The following NEDD9 variants were observed in gnomAD, a reference collection of about 807,000 sequenced individuals.
The protein encoded by NEDD9 is enhancer of filamentation 1.
NEDD9 carries 26 observed loss-of-function variants against 76.6 expected under a neutral mutation model. The ratio of observed to expected loss-of-function variants is 0.34; its 90% CI spans 0.25 to 0.47. The LOEUF is 0.47. NEDD9 is among the 20% of genes least tolerant of loss of function. The pLI, the probability that NEDD9 is intolerant of heterozygous loss-of-function variation, is 1.00. For missense variants in NEDD9, 937 were observed against 1,058.5 expected (o/e 0.89, Z 1.59); for synonymous variants, 392 against 414.2 (o/e 0.95, Z 0.65).
chr6:11,232,189 C>T (rs990973248), intron 1 of NEDD9, among the ~76,000 whole-genome samples: 1 of 152,154 alleles, frequency 6.6e-6, no homozygotes, highest in Non-Finnish European at 1.5e-5. Context: ...ATGCCTGCCG[C>T]GATTCAAGTC....
At chr6:11,212,500 A>G (rs1472938253) in intron 2 of NEDD9, among the ~76,000 whole-genome samples, 1 of 152,234 alleles carries the variant, frequency 6.6e-6, no homozygotes, top group African/African-American at 2.4e-5. Context: ...TCAAAAATAT[A>G]TTAGATGCTC....
chr6:11,315,369 A>G (rs1435517620), intron 2 of NEDD9, among the ~76,000 whole-genome samples: 1 of 152,244 alleles, frequency 6.6e-6, no homozygotes, highest in African/African-American at 2.4e-5. Context: ...CTTTGGCAGG[A>G]AAGACTGTGT....
intron 2 of NEDD9, among the ~76,000 whole-genome samples, chr6:11,321,270 G>A (rs1761794469): frequency 6.6e-6 from 1 of 152,112 alleles, no homozygotes; most frequent in South Asian, 2.1e-4. Flanking sequence ...TGAAGCTACA[G>A]CTTAACAAAT....
chr6:11,276,006 A>G (rs988180959), intron 3 of NEDD9, among the ~76,000 whole-genome samples: 3 of 152,256 alleles, frequency 2.0e-5, no homozygotes, highest in Admixed American at 6.5e-5. Flanking sequence ...TGTTTTAATC[A>G]TAAGAAATCA....
chr6:11,356,016 C>G (rs1238043801), intron 1 of NEDD9, among the ~76,000 whole-genome samples: 1 of 152,124 alleles, frequency 6.6e-6, no homozygotes, highest in Non-Finnish European at 1.5e-5. Flanking sequence ...CCACCATGCC[C>G]GGCCGAGAGC....
chr6:11,189,127 A>T (rs12199551), intron 5 of NEDD9, among the ~76,000 whole-genome samples: 19,228 of 152,008 alleles, frequency 0.13, 1,531 homozygotes, highest in Non-Finnish European at 0.18. Flanking sequence ...TCGTACTTTT[A>T]GTAGAGATGG....
In NEDD9 at chr6:11,190,205, G is replaced by T; in HGVS notation, c.1664C>A (p.Ala555Asp). The change falls in exon 5 of 7, where the codon GCC becomes GAC. Residue 555 changes from alanine to aspartate, a missense_variant. Coordinates refer to ENST00000379446, the MANE Select transcript of NEDD9 (RefSeq NM_006403.4). This position sits in a 1 kb window ranked among gnomAD's most constrained non-coding sequence, Gnocchi z 5.8. ...LTTTINTNAE[A>D]LFRPGPGSLH... Reference sequence around the variant, plus strand: ...GCTGCCAGGGCCGGGTCTGAAGAGGGCCTCTGCGTTGGTGTTGATGGTTGT... The same window carrying T: ...GCTGCCAGGGCCGGGTCTGAAGAGGTCCTCTGCGTTGGTGTTGATGGTTGT... The T allele has an allele frequency of 6.2e-7, 1 of 1,614,224 alleles. No individual in the cohort carries two copies. The highest frequency in any genetic ancestry group is 8.5e-7 in the Non-Finnish European group (1 of 1,180,042).
At chr6:11,365,245 C>A (rs1762740317) in intron 1 of NEDD9, among the ~76,000 whole-genome samples, 1 of 152,166 alleles carries the variant, frequency 6.6e-6, no homozygotes, top group East Asian at 1.9e-4. Flanking sequence ...ATTGAGGAAA[C>A]CAAGTGACCC....
chr6:11,240,951 G>A (rs528989719), intron 3 of NEDD9, among the ~76,000 whole-genome samples: 4 of 152,324 alleles, frequency 2.6e-5, no homozygotes, highest in African/African-American at 9.6e-5. Context: ...TGTGCAGGCT[G>A]CCTGGCAAAG....
intron 2 of NEDD9, among the ~76,000 whole-genome samples, chr6:11,334,129 A>G (rs535960312): frequency 6.6e-6 from 1 of 152,356 alleles, no homozygotes; most frequent in African/African-American, 2.4e-5. Flanking sequence ...CAAGTTCTAT[A>G]AAGTTACTAA....
At chr6:11,271,140 C>A (rs1397821355) in intron 3 of NEDD9, among the ~76,000 whole-genome samples, 1 of 152,198 alleles carries the variant, frequency 6.6e-6, no homozygotes, top group African/African-American at 2.4e-5. Flanking sequence ...CTCAAGTGAT[C>A]CTCCCGATTT....
At chr6:11,283,803 A>G (rs1428847791) in intron 3 of NEDD9, among the ~76,000 whole-genome samples, 1 of 152,216 alleles carries the variant, frequency 6.6e-6, no homozygotes, top group Non-Finnish European at 1.5e-5. Flanking sequence ...TGGATTTCCA[A>G]TTAGACAGAT....
At chr6:11,203,879 G>C (rs1758525521) in intron 2 of NEDD9, among the ~76,000 whole-genome samples, 2 of 152,096 alleles carry the variant, frequency 1.3e-5, no homozygotes, top group African/African-American at 4.8e-5. Flanking sequence ...TTCTGGATGG[G>C]ATGGTGGGCT....
At chr6:11,376,057 C>T (rs1762964446) in intron 1 of NEDD9, among the ~76,000 whole-genome samples, 1 of 152,198 alleles carries the variant, frequency 6.6e-6, no homozygotes, top group African/African-American at 2.4e-5. Context: ...ATCTCCTGAC[C>T]TCGTGATCCG....
intron 1 of NEDD9, among the ~76,000 whole-genome samples, chr6:11,215,205 A>T (rs1014939172): frequency 1.3e-5 from 2 of 152,320 alleles, no homozygotes; most frequent in Admixed American, 6.5e-5. Context: ...ATTAAAAGAG[A>T]TAAAGCCATA....
At position 11,232,453 on chromosome 6, in the gene NEDD9, G is replaced by C. The variant is rs775744980; in HGVS notation, c.12+51C>G. On this transcript the variant is annotated intron_variant, in intron 1 of 6. Coordinates refer to ENST00000379446, the MANE Select transcript of NEDD9 (RefSeq NM_006403.4). Reference sequence around the variant, plus strand: ...AACACGCATACACAAGCACACACCCGCAGGCACAGCTTTCAGCTTGCAAGG... The same window carrying C: ...AACACGCATACACAAGCACACACCCCCAGGCACAGCTTTCAGCTTGCAAGG... The C allele has an allele frequency of 2.5e-6, 4 of 1,609,130 alleles. No homozygotes were observed. In the East Asian group the frequency reaches 6.7e-5, roughly 27 times the overall value.
At chr6:11,376,035 A>T (rs979840509) in intron 1 of NEDD9, among the ~76,000 whole-genome samples, 4 of 152,188 alleles carry the variant, frequency 2.6e-5, no homozygotes, top group African/African-American at 9.7e-5. Context: ...TGTGTTAGCC[A>T]GGGTGGTCTC....
chr6:11,334,565 A>C (rs1033413183), intron 1 of NEDD9: 5 of 152,200 alleles, frequency 3.3e-5, no homozygotes, highest in Non-Finnish European at 7.3e-5. Context: ...ATTCTCTCTG[A>C]AAATATTAGG....
intron 1 of NEDD9, among the ~76,000 whole-genome samples, chr6:11,371,072 G>T (rs981174745): frequency 6.6e-6 from 1 of 152,032 alleles, no homozygotes; most frequent in Non-Finnish European, 1.5e-5. Context: ...TGGCCTTCTG[G>T]GGGAACATCA....
Sources: allele counts gnomAD v4.1 joint callset (sites outside exome capture counted in the v4.1 genomes callset), GRCh38; gene constraint gnomAD v4.1.1; non-coding constraint Gnocchi (gnomAD v3.1); transcripts MANE v1.5; gene names NCBI Gene and HGNC (gene_info 2026-07-23, HGNC 2026-07-21).